The following LYPLAL1 variants were observed in gnomAD, a reference collection of about 807,000 sequenced individuals.
The protein encoded by LYPLAL1 is lysophospholipase-like protein 1.
A neutral mutation model predicts 19.7 loss-of-function variants in LYPLAL1; 23 were observed. The ratio of observed to expected loss-of-function variants is 1.17; its 90% CI spans 0.84 to 1.65. LYPLAL1 has a LOEUF of 1.65. Among genes scored for constraint, LYPLAL1 ranks in the 40% most tolerant of loss-of-function variants. The pLI is 0.00. For synonymous variants in LYPLAL1, 119 were observed against 96.3 expected (o/e 1.24, Z -1.38); for missense variants, 355 against 279.4 (o/e 1.27, Z -1.93).
chr1:219,364,846 T>C, the LYPLAL1 span, among the ~76,000 whole-genome samples: 1 of 152,272 alleles, frequency 6.6e-6, no homozygotes, highest in South Asian at 2.1e-4. Context: ...CCATCAAAAG[T>C]CAAGTTACTT....
chr1:219,408,770 T>A, the LYPLAL1 span, among the ~76,000 whole-genome samples: 1,989 of 152,126 alleles, frequency 0.013, 49 homozygotes, highest in African/African-American at 0.045. Context: ...AAGAAAAATG[T>A]GTGGACAAAT....
At chr1:219,300,263 G>A in the LYPLAL1 span, among the ~76,000 whole-genome samples, 1 of 152,218 alleles carries the variant, frequency 6.6e-6, no homozygotes, top group South Asian at 2.1e-4. Context: ...GGATACAGGT[G>A]TGAGCCACTG....
chr1:219,368,980 A>G, the LYPLAL1 span, among the ~76,000 whole-genome samples: 2 of 152,228 alleles, frequency 1.3e-5, no homozygotes, highest in Non-Finnish European at 2.9e-5. Flanking sequence ...TATTCCAGTT[A>G]AGTGCCCAAA....
chr1:219,231,007 T>G, the LYPLAL1 span, among the ~76,000 whole-genome samples: 4 of 152,322 alleles, frequency 2.6e-5, no homozygotes, highest in Admixed American at 2.6e-4. Flanking sequence ...CTTGTCAAAA[T>G]GTAATTATAT....
the LYPLAL1 span, among the ~76,000 whole-genome samples, chr1:219,233,331 T>C: frequency 6.6e-6 from 1 of 152,334 alleles, no homozygotes; most frequent in African/African-American, 2.4e-5. Context: ...GGATCGTAGT[T>C]GCCTGGGGAT....
At chr1:219,290,967 C>G in the LYPLAL1 span, among the ~76,000 whole-genome samples, 2 of 152,200 alleles carry the variant, frequency 1.3e-5, no homozygotes, top group African/African-American at 4.8e-5. Flanking sequence ...CCTATATCTA[C>G]TATTACTGGC....
intron 3 of LYPLAL1, among the ~76,000 whole-genome samples, chr1:219,208,182 T>G (rs192123549): frequency 1.2e-3 from 176 of 152,212 alleles, no homozygotes; most frequent in African/African-American, 3.6e-3. Context: ...GCTAGAATTG[T>G]GTTCTGAGAG....
At chr1:219,393,221 G>A in the LYPLAL1 span, among the ~76,000 whole-genome samples, 8 of 152,254 alleles carry the variant, frequency 5.3e-5, no homozygotes, top group East Asian at 1.4e-3. Flanking sequence ...AGAGGCCTGG[G>A]GACATATCAA....
the LYPLAL1 span, among the ~76,000 whole-genome samples, chr1:219,408,013 G>A: frequency 1.3e-5 from 2 of 152,054 alleles, no homozygotes; most frequent in African/African-American, 2.4e-5. Flanking sequence ...CTCCCAATGC[G>A]AACACATTGG....
the LYPLAL1 span, chr1:219,271,790 G>A: frequency 6.6e-6 from 1 of 152,090 alleles, no homozygotes; most frequent in East Asian, 1.9e-4. Context: ...TCTTGAATGA[G>A]GTAGAACTTT....
At chr1:219,193,775 T>C (rs945830920) in intron 3 of LYPLAL1, among the ~76,000 whole-genome samples, 3 of 151,838 alleles carry the variant, frequency 2.0e-5, no homozygotes, top group Admixed American at 1.3e-4. Flanking sequence ...CCTTTTTCTG[T>C]TTCTGGACTT....
chr1:219,300,303 A>G, the LYPLAL1 span, among the ~76,000 whole-genome samples: 1 of 152,018 alleles, frequency 6.6e-6, no homozygotes, highest in African/African-American at 2.4e-5. Flanking sequence ...ATTTGTATAC[A>G]AATACAATCA....
the LYPLAL1 span, among the ~76,000 whole-genome samples, chr1:219,218,210 T>C: frequency 2.0e-5 from 3 of 152,022 alleles, 1 homozygote; most frequent in South Asian, 6.2e-4. Context: ...GGCAGACTGG[T>C]TATAATTGAG....
At chr1:219,287,543 A>G in the LYPLAL1 span, among the ~76,000 whole-genome samples, 5 of 152,196 alleles carry the variant, frequency 3.3e-5, no homozygotes, top group Non-Finnish European at 4.4e-5. Flanking sequence ...TTAGACGCCT[A>G]CACATCTATG....
the LYPLAL1 span, among the ~76,000 whole-genome samples, chr1:219,339,638 G>A: frequency 6.6e-6 from 1 of 152,028 alleles, no homozygotes; most frequent in East Asian, 1.9e-4. Flanking sequence ...TTTAGGTTTA[G>A]CAATGGGTAT....
chr1:219,418,307 A>G, the LYPLAL1 span, among the ~76,000 whole-genome samples: 2 of 152,050 alleles, frequency 1.3e-5, no homozygotes, highest in African/African-American at 4.8e-5. Context: ...CTCATTCACA[A>G]ATAAAAGATA....
the LYPLAL1 span, among the ~76,000 whole-genome samples, chr1:219,394,875 A>ATGTG: frequency 6.6e-6 from 1 of 152,196 alleles, no homozygotes; most frequent in Non-Finnish European, 1.5e-5. Flanking sequence ...AAGTGAGAAC[A>ATGTG]TGTGGTATTC....
chr1:219,196,148 T>C (rs1657584794), intron 3 of LYPLAL1, among the ~76,000 whole-genome samples: 1 of 152,208 alleles, frequency 6.6e-6, no homozygotes, highest in South Asian at 2.1e-4. Context: ...TGTGTGCATG[T>C]ATCTTTATAA....
At chr1:219,175,247 A>G (rs1261696193) in intron 1 of LYPLAL1, among the ~76,000 whole-genome samples, 4 of 152,174 alleles carry the variant, frequency 2.6e-5, no homozygotes, top group Non-Finnish European at 4.4e-5. Context: ...GTAAGGTGAA[A>G]AAGTTTGAAC....
Sources: allele counts gnomAD v4.1 joint callset (sites outside exome capture counted in the v4.1 genomes callset), GRCh38; gene constraint gnomAD v4.1.1; transcripts MANE v1.5; gene names NCBI Gene and HGNC (gene_info 2026-07-23, HGNC 2026-07-21).